Variants in KCNIP4 observed in about 807,000 individuals in gnomAD.
KCNIP4 encodes potassium voltage-gated channel interacting protein 4.
In KCNIP4, 12 loss-of-function variants were observed where a neutral mutation model predicts 34.0. That is an observed-to-expected ratio of 0.35 (90% CI 0.23 to 0.57). The LOEUF is 0.57. KCNIP4 is among the 20% of genes least tolerant of loss of function. The pLI is 0.83. For synonymous variants in KCNIP4, 124 were observed against 102.2 expected (o/e 1.21, Z -1.29); for missense variants, 238 against 311.7 (o/e 0.76, Z 1.78).
At chr4:21,389,186 G>T (rs959956830) in intron 1 of KCNIP4, among the ~76,000 whole-genome samples, 1 of 152,008 alleles carries the variant, frequency 6.6e-6, no homozygotes, top group East Asian at 1.9e-4. Context: ...TCACCGTGTT[G>T]CCCAGGCAGT....
intron 1 of KCNIP4, among the ~76,000 whole-genome samples, chr4:21,926,142 C>T (rs1261531515): frequency 6.6e-6 from 1 of 152,178 alleles, no homozygotes; most frequent in East Asian, 1.9e-4. Context: ...ACAGCCAATA[C>T]TTAATCAGCA....
At chr4:21,574,806 C>T (rs952184392) in intron 1 of KCNIP4, among the ~76,000 whole-genome samples, 6 of 152,148 alleles carry the variant, frequency 3.9e-5, no homozygotes, top group African/African-American at 1.4e-4. Context: ...CTCTACTACT[C>T]TTGTTCTCAA....
chr4:21,076,806 T>C (rs1274765939), intron 1 of KCNIP4, among the ~76,000 whole-genome samples: 1 of 152,172 alleles, frequency 6.6e-6, no homozygotes, highest in Non-Finnish European at 1.5e-5. Flanking sequence ...TCATCAGTTA[T>C]CTACCGAGTA....
At chr4:20,955,473 A>C (rs1733203952) in intron 1 of KCNIP4, among the ~76,000 whole-genome samples, 1 of 152,144 alleles carries the variant, frequency 6.6e-6, no homozygotes, top group Non-Finnish European at 1.5e-5. Context: ...TGGTTCCCTC[A>C]TGCCCTCTGA....
At chr4:21,691,012 C>A (rs1189097614) in intron 1 of KCNIP4, among the ~76,000 whole-genome samples, 1 of 152,146 alleles carries the variant, frequency 6.6e-6, no homozygotes, top group Non-Finnish European at 1.5e-5. Flanking sequence ...CTCTGCATGA[C>A]CCACAGATAT....
rs188758199 is a variant in KCNIP4 at position 20,745,215 on chromosome 4, T to A, written c.429+4447A>T. Among the ~76,000 whole-genome samples the A allele has an allele frequency of 6.2e-3, 640 of 102,858 alleles. 7 individuals carry two copies. The highest frequency in any genetic ancestry group is 0.016 in the Admixed American group (179 of 11,114). The allele number at this position is 102,858 out of a possible 152,430, so 67.5% of individuals were successfully genotyped here. Reference sequence around the variant, plus strand: ...TTGCTGTGAACCAATGAAATTACCATTTTTTTTTGTCACTTGGTGTATCCT... The same window carrying A: ...TTGCTGTGAACCAATGAAATTACCAATTTTTTTTGTCACTTGGTGTATCCT... On this transcript the variant is annotated intron_variant, in intron 5 of 8. Coordinates refer to ENST00000382152, the MANE Select transcript of KCNIP4 (RefSeq NM_025221.6).
At chr4:21,345,159 T>TA (rs1717166293) in intron 1 of KCNIP4, among the ~76,000 whole-genome samples, 1 of 152,100 alleles carries the variant, frequency 6.6e-6, no homozygotes, top group South Asian at 2.1e-4. Context: ...GGCTCTCTCA[T>TA]ACTCTCTCCT....
intron 1 of KCNIP4, among the ~76,000 whole-genome samples, chr4:21,528,869 A>G (rs80063305): frequency 0.025 from 3,686 of 145,100 alleles, 249 homozygotes; most frequent in East Asian, 0.16. Flanking sequence ...GGAAGGAAGG[A>G]AGGGAAATTC....
At chr4:21,851,379 G>A (rs1458211979) in intron 1 of KCNIP4, 1 of 152,192 alleles carries the variant, frequency 6.6e-6, no homozygotes, top group Non-Finnish European at 1.5e-5. Context: ...TGGATGTAGA[G>A]TGTGGAACAA....
At chr4:21,064,574 A>G (rs1744191162) in intron 1 of KCNIP4, among the ~76,000 whole-genome samples, 1 of 152,170 alleles carries the variant, frequency 6.6e-6, no homozygotes, top group African/African-American at 2.4e-5. Context: ...AAATAGGACC[A>G]TTGGAGTATA....
chr4:21,769,191 C>T (rs1461760600), intron 1 of KCNIP4, among the ~76,000 whole-genome samples: 1 of 152,036 alleles, frequency 6.6e-6, no homozygotes, highest in Non-Finnish European at 1.5e-5. Flanking sequence ...AAAAACTACT[C>T]CAATCATATC....
intron 1 of KCNIP4, among the ~76,000 whole-genome samples, chr4:21,938,545 G>A (rs763006603): frequency 6.6e-6 from 1 of 152,026 alleles, no homozygotes; most frequent in Non-Finnish European, 1.5e-5. Flanking sequence ...TATTATACAC[G>A]ATTCTGTATT....
At chr4:21,250,411 T>C (rs1760618747) in intron 1 of KCNIP4, among the ~76,000 whole-genome samples, 1 of 152,148 alleles carries the variant, frequency 6.6e-6, no homozygotes, top group East Asian at 1.9e-4. Context: ...AATATTCTGC[T>C]GTAGCAGATG....
Position 21,927,808 on chromosome 4 carries a change from G to A in KCNIP4, c.61+20763C>T, listed in dbSNP as rs146656259. 2.8e-4 allele frequency among the ~76,000 whole-genome samples: 43 copies of A among 152,176 alleles called. 1 individual carries two copies. Among genetic ancestry groups the A allele is most frequent in the African/African-American group, 9.1e-4 (38 of 41,544 alleles). ...ACAAAGGCTTTGGAGTCAGATGGAC[G>A]TTAAATCCATTATCCACATGCTCTG... is the stretch of plus-strand genomic sequence containing the variant. On this transcript the variant is annotated intron_variant, in intron 1 of 8. Coordinates refer to ENST00000382152, the MANE Select transcript of KCNIP4 (RefSeq NM_025221.6).
intron 1 of KCNIP4, among the ~76,000 whole-genome samples, chr4:21,274,010 A>G (rs1478842493): frequency 6.6e-6 from 1 of 152,236 alleles, no homozygotes; most frequent in Non-Finnish European, 1.5e-5. Flanking sequence ...GAATAAACAG[A>G]TGATGGATAA....
rs564895976 is a variant in KCNIP4, at chr4:21,060,740, G to GT, written c.62-178032_62-178031insA. ...AGCTAAGTACTCAGAGTCCTGAAGA[G>GT]ATTGCTGAAGCAATAGCTGGGAAGA... On this transcript the variant is annotated intron_variant, in intron 1 of 8. Coordinates refer to ENST00000382152, the MANE Select transcript of KCNIP4 (RefSeq NM_025221.6). Among the ~76,000 whole-genome samples the GT allele has an allele frequency of 1.9e-3, 285 of 152,286 alleles. 1 individual carries two copies. The highest frequency in any genetic ancestry group is 6.6e-3 in the African/African-American group (276 of 41,576).
At chr4:21,328,390 C>A (rs1413179687) in intron 1 of KCNIP4, among the ~76,000 whole-genome samples, 2 of 152,152 alleles carry the variant, frequency 1.3e-5, no homozygotes, top group Non-Finnish European at 2.9e-5. Context: ...AGAGGCTCTT[C>A]TTCTCTTCCC....
intron 1 of KCNIP4, among the ~76,000 whole-genome samples, chr4:21,501,129 C>G (rs952515046): frequency 7.9e-5 from 12 of 152,114 alleles, no homozygotes; most frequent in Middle Eastern, 3.4e-3. Flanking sequence ...TCTTGCCTCC[C>G]CAAGATGTTA....
At chr4:21,662,868 T>C (rs757640917) in intron 1 of KCNIP4, among the ~76,000 whole-genome samples, 4 of 152,196 alleles carry the variant, frequency 2.6e-5, no homozygotes, top group Non-Finnish European at 4.4e-5. Flanking sequence ...TGAAACAGTG[T>C]TTCTAATAAC....
Sources: allele counts gnomAD v4.1 joint callset (sites outside exome capture counted in the v4.1 genomes callset), GRCh38; gene constraint gnomAD v4.1.1; transcripts MANE v1.5; gene names NCBI Gene and HGNC (gene_info 2026-07-23, HGNC 2026-07-21).